The following NDNF variants were observed in gnomAD, a reference collection of about 807,000 sequenced individuals.
The protein encoded by NDNF is protein NDNF.
A neutral mutation model predicts 42.0 loss-of-function variants in NDNF; 16 were observed. The ratio of observed to expected loss-of-function variants is 0.38; its 90% CI spans 0.26 to 0.58. The LOEUF (loss-of-function observed/expected upper bound fraction) is 0.58, where lower values mean the gene tolerates loss of function less well. Ranked by LOEUF, NDNF falls within the 20% of genes least tolerant of loss-of-function variation. The probability of loss-of-function intolerance (pLI) is 0.67; values close to 1 mark genes in which losing one functional copy is unlikely to be tolerated. For missense variants in NDNF, 616 were observed against 666.2 expected, an observed-to-expected ratio of 0.92 and a Z score of 0.83; for synonymous variants, 248 against 251.7, an observed-to-expected ratio of 0.99 and a Z score of 0.14.
intron 2 of NDNF, among the ~76,000 whole-genome samples, chr4:121,043,848 A>G (rs185986221): frequency 6.6e-6 from 1 of 152,206 alleles, no homozygotes; most frequent in Non-Finnish European, 1.5e-5. Flanking sequence ...ACAAAATAAT[A>G]TGAAAAGCCA....
chr4:121,040,375 G>A (rs1726977008), intron 2 of NDNF, among the ~76,000 whole-genome samples: 1 of 152,040 alleles, frequency 6.6e-6, no homozygotes, highest in Non-Finnish European at 1.5e-5. Context: ...CCTGTTGCCT[G>A]GTATTATTTA....
chr4:121,048,474 G>T (rs184956757), intron 1 of NDNF, among the ~76,000 whole-genome samples: 1 of 152,154 alleles, frequency 6.6e-6, no homozygotes, highest in Non-Finnish European at 1.5e-5. Flanking sequence ...AAATAGTGTC[G>T]ATTGATAGGA....
At chr4:121,069,132 A>C (rs984489366) in intron 1 of NDNF, among the ~76,000 whole-genome samples, 2 of 152,198 alleles carry the variant, frequency 1.3e-5, no homozygotes, top group Admixed American at 1.3e-4. Context: ...GAGAAAACTA[A>C]AATCTGAAAC....
In NDNF at chr4:121,035,827, T is replaced by C. The variant is rs1021570575; in HGVS notation, c.*437A>G. On this transcript the variant is annotated 3_prime_UTR_variant, in exon 4 of 4. Coordinates refer to ENST00000379692, the MANE Select transcript of NDNF (RefSeq NM_024574.4). ...TTAATAGGAAAAGAATTTAATAGTT[T>C]ACAATCATAGAAACACTGACATTTA... 5.9e-5 allele frequency: 9 copies of C among 153,336 alleles called. No homozygotes were observed. The highest frequency in any genetic ancestry group is 2.2e-4 in the African/African-American group (9 of 41,586). The allele number at this position is 153,336 out of a possible 1,614,324, so 9.5% of individuals were successfully genotyped here.
At chr4:121,052,367 A>G (rs1024526952) in intron 1 of NDNF, among the ~76,000 whole-genome samples, 5 of 152,360 alleles carry the variant, frequency 3.3e-5, no homozygotes, top group African/African-American at 1.2e-4. Flanking sequence ...ACTTGAAGCA[A>G]ATGTATAGAG....
intron 2 of NDNF, among the ~76,000 whole-genome samples, chr4:121,040,662 T>C (rs1245880007): frequency 2.0e-5 from 3 of 152,208 alleles, no homozygotes; most frequent in African/African-American, 7.2e-5. Context: ...TTGTTTGTTT[T>C]GAGACAGTCT....
intron 1 of NDNF, among the ~76,000 whole-genome samples, chr4:121,068,174 G>A (rs747872587): frequency 6.6e-6 from 1 of 152,122 alleles, no homozygotes; most frequent in Non-Finnish European, 1.5e-5. Flanking sequence ...CAGCAGCAAA[G>A]TATTTACTTT....
At chr4:121,054,208 A>G (rs971036644) in intron 1 of NDNF, among the ~76,000 whole-genome samples, 2 of 152,268 alleles carry the variant, frequency 1.3e-5, no homozygotes, top group African/African-American at 4.8e-5. Flanking sequence ...GTCATACTCC[A>G]AACTCAACTG....
At chr4:121,058,436 C>T (rs1016574071) in intron 1 of NDNF, among the ~76,000 whole-genome samples, 1 of 152,108 alleles carries the variant, frequency 6.6e-6, no homozygotes, top group African/African-American at 2.4e-5. Flanking sequence ...ATCTGGGCTC[C>T]ACTCCTTCCT....
chr4:121,071,859 G>C (rs1727610870), intron 1 of NDNF, 134 bp downstream of exon 1: 1 of 151,678 alleles, frequency 6.6e-6, no homozygotes, highest in Non-Finnish European at 1.5e-5. Context: ...CTTGGGCCTT[G>C]AAGATTTGGG....
At chr4:121,068,962 C>T (rs146582093) in intron 1 of NDNF, among the ~76,000 whole-genome samples, 1 of 152,028 alleles carries the variant, frequency 6.6e-6, no homozygotes, top group African/African-American at 2.4e-5. Context: ...AAAATTCTGA[C>T]CTCTAGATAG....
chr4:121,051,369 A>G (rs563595341), intron 1 of NDNF, among the ~76,000 whole-genome samples: 7 of 152,290 alleles, frequency 4.6e-5, no homozygotes, highest in African/African-American at 1.7e-4. Flanking sequence ...GCCTTTCTTT[A>G]GCATTAATTT....
intron 1 of NDNF, among the ~76,000 whole-genome samples, chr4:121,051,230 C>T (rs1727189108): frequency 6.6e-6 from 1 of 152,132 alleles, no homozygotes; most frequent in Non-Finnish European, 1.5e-5. Flanking sequence ...TGGGAACTTG[C>T]TTCTCCCCTT....
chr4:121,070,108 C>T (rs1472051631), intron 1 of NDNF, among the ~76,000 whole-genome samples: 5 of 152,126 alleles, frequency 3.3e-5, no homozygotes, highest in Admixed American at 3.3e-4. Flanking sequence ...AGAATTAATA[C>T]GGTTTTGGTG....
chr4:121,053,159 C>G (rs745752526), intron 1 of NDNF, among the ~76,000 whole-genome samples: 1 of 152,166 alleles, frequency 6.6e-6, no homozygotes, highest in African/African-American at 2.4e-5. Context: ...GATTAGGGAC[C>G]TGCACATGCA....
At chr4:121,071,769 T>TTAAA (rs1553925731) in intron 1 of NDNF, 1 of 143,046 alleles carries the variant, frequency 7.0e-6, no homozygotes, top group Admixed American at 6.9e-5. Context: ...ACAACAACAA[T>TTAAA]AAAAAAAAAA....
At chr4:121,046,145 C>T (rs1727087674) in intron 1 of NDNF, among the ~76,000 whole-genome samples, 1 of 152,166 alleles carries the variant, frequency 6.6e-6, no homozygotes, top group African/African-American at 2.4e-5. Flanking sequence ...ACAGCAGAAG[C>T]CTATATGGAC....
chr4:121,036,434 C>G lies in NDNF; in HGVS notation c.1537G>C (p.Val513Leu). Residue 513 changes from valine (V) to leucine (L), a missense_variant, in exon 4 of 4, where the codon GTC (valine) becomes CTC (leucine). Coordinates refer to ENST00000379692, the MANE Select transcript of NDNF (RefSeq NM_024574.4). ...GPDIRKKSEK[V>L]LCKYFHSQNL... ...TGACTGTGGAAATATTTACAGAGGA[C>G]CTTTTCTGACTTCTTCCTTATATCT... The G allele has an allele frequency of 6.2e-7, 1 of 1,614,154 alleles. No individual in the cohort carries two copies. Among genetic ancestry groups the G allele is most frequent in the Non-Finnish European group, 8.5e-7 (1 of 1,180,028 alleles).
At chr4:121,046,781 G>T (rs1435054605) in intron 1 of NDNF, among the ~76,000 whole-genome samples, 1 of 152,210 alleles carries the variant, frequency 6.6e-6, no homozygotes, top group African/African-American at 2.4e-5. Context: ...GCACATTGCT[G>T]TAGGGGTGTT....
Sources: allele counts gnomAD v4.1 joint callset (sites outside exome capture counted in the v4.1 genomes callset), GRCh38; gene constraint gnomAD v4.1.1; transcripts MANE v1.5; gene names NCBI Gene and HGNC (gene_info 2026-07-23, HGNC 2026-07-21).